Variants in SLC28A3 observed in about 807,000 individuals in gnomAD.
SLC28A3 encodes concentrative Na(+)-nucleoside cotransporter 3.
In SLC28A3, 68 loss-of-function variants were observed where a neutral mutation model predicts 84.2. The observed-to-expected ratio is 0.81, with a 90% CI of 0.66 to 0.99. The LOEUF is 0.99. Ranked by LOEUF, SLC28A3 falls within the 50% of genes least tolerant of loss-of-function variation. SLC28A3 has a pLI of 0.00. For missense variants in SLC28A3, 712 were observed against 841.5 expected (o/e 0.85, Z 1.90); for synonymous variants, 267 against 303.6 (o/e 0.88, Z 1.25).
intron 3 of SLC28A3, among the ~76,000 whole-genome samples, chr9:84,308,320 C>T (rs568111921): frequency 6.6e-6 from 1 of 152,112 alleles, no homozygotes; most frequent in African/African-American, 2.4e-5. Flanking sequence ...CTGAGGCAAG[C>T]AGACCACCTG....
At chr9:84,363,849 C>T in the SLC28A3 span, among the ~76,000 whole-genome samples, 2 of 152,076 alleles carry the variant, frequency 1.3e-5, no homozygotes, top group Non-Finnish European at 2.9e-5. Context: ...TTTGGTTTCT[C>T]AAAGCGATGG....
chr9:84,288,272 G>T, intron 11 of SLC28A3, 94 bp from the exon 12 acceptor site: 2 of 1,537,134 alleles, frequency 1.3e-6, no homozygotes, highest in Non-Finnish European at 1.8e-6. Context: ...AAGAAACAGG[G>T]CAGGGGTTGT....
chr9:84,301,112 G>A (rs1036773532), intron 5 of SLC28A3, among the ~76,000 whole-genome samples: 3 of 151,986 alleles, frequency 2.0e-5, no homozygotes, highest in Admixed American at 2.0e-4. Flanking sequence ...CACTTTGGGA[G>A]GCTGAGGCAG....
At chr9:84,350,311 G>A in the SLC28A3 span, among the ~76,000 whole-genome samples, 4 of 151,962 alleles carry the variant, frequency 2.6e-5, no homozygotes, top group African/African-American at 9.7e-5. Flanking sequence ...GTGTGGTGGT[G>A]CATGCCTGTA....
chr9:84,358,259 C>A, the SLC28A3 span, among the ~76,000 whole-genome samples: 1 of 152,146 alleles, frequency 6.6e-6, no homozygotes, highest in South Asian at 2.1e-4. Context: ...TGGCCGTGGG[C>A]TGCACAGCCT....
chr9:84,291,332 G>A (rs889236326), intron 10 of SLC28A3, among the ~76,000 whole-genome samples: 1 of 151,504 alleles, frequency 6.6e-6, no homozygotes, highest in Non-Finnish European at 1.5e-5. Context: ...AGGCTAGTAA[G>A]CATAGGTTTT....
rs1310836698 is a variant in SLC28A3, at chr9:84,276,054, T to C, written c.*2164A>G. ...ATATGGTAGCCACTAATACCTGAAATATGGAGTAACCAAGTAACAAATTTT... is the reference window on the plus strand; with the variant it reads ...ATATGGTAGCCACTAATACCTGAAACATGGAGTAACCAAGTAACAAATTTT... On this transcript the variant is annotated 3_prime_UTR_variant, in exon 18 of 18. Transcript: ENST00000376238. 6.6e-6 allele frequency: 1 copy of C among 152,116 alleles called. No individual in the cohort carries two copies. Among genetic ancestry groups the C allele is most frequent in the Non-Finnish European group, 1.5e-5 (1 of 68,020 alleles). The allele number at this position is 152,116 out of a possible 1,614,324, so 9.4% of individuals were successfully genotyped here. A position where few individuals can be genotyped will look rare whatever the true frequency, so the allele number is the denominator to read the frequency against.
rs1825443471 is a variant in SLC28A3, at chr9:84,297,139, C to G, written c.861+82G>C. On this transcript the variant is annotated intron_variant, in intron 8 of 17. Coordinates refer to ENST00000376238, the MANE Select transcript of SLC28A3 (RefSeq NM_001199633.2). ...AGTAGGTATATACCTGGTTTTTGGT[C>G]AGTTAAGTTCTATCTGAACATCTAC... 5.8e-6 allele frequency: 7 copies of G among 1,212,184 alleles called. No homozygotes were observed. The South Asian group carries it at 9.6e-5, about 17-fold the overall frequency. 75.1% of individuals were successfully genotyped at this position (1,212,184 alleles called of 1,614,324 possible).
At chr9:84,314,883 C>G (rs574625666) in intron 1 of SLC28A3, among the ~76,000 whole-genome samples, 9 of 152,254 alleles carry the variant, frequency 5.9e-5, no homozygotes, top group African/African-American at 2.2e-4. Context: ...TTGAGACCAT[C>G]CTGGCTAACA....
intron 3 of SLC28A3, among the ~76,000 whole-genome samples, chr9:84,306,676 G>A (rs1266097746): frequency 6.6e-6 from 1 of 151,968 alleles, no homozygotes; most frequent in African/African-American, 2.4e-5. Context: ...AGAGACCCTG[G>A]AGAACAGATG....
Position 84,285,478 on chromosome 9 carries a change from A to C in SLC28A3, c.1514T>G (p.Phe505Cys). Residue 505 changes from phenylalanine (F) to cysteine (C), a missense_variant, in exon 14 of 18, where the codon TTT becomes TGT. Transcript: ENST00000376238. ...ATAACCTATGAGTCTGGCAACCATA[A>C]AGCTGTCCTGCCATTCCACTCCCAT... ...FMMGVEWQDS[F>C]MVARLIGYKT... 6.2e-7 allele frequency: 1 copy of C among 1,614,190 alleles called. No individual in the cohort carries two copies. The highest frequency in any genetic ancestry group is 1.1e-5 in the South Asian group (1 of 91,084).
intron 13 of SLC28A3, 121 bp from the exon 14 acceptor site, chr9:84,285,663 CT>C: frequency 9.2e-7 from 1 of 1,091,456 alleles, no homozygotes; most frequent in Non-Finnish European, 1.3e-6. Context: ...TCCTTCTTCC[CT>C]TGCCCATCTT....
At chr9:84,301,342 T>C in intron 5 of SLC28A3, among the ~76,000 whole-genome samples, 1 of 86,010 alleles carries the variant, frequency 1.2e-5, no homozygotes, top group Non-Finnish European at 2.2e-5. Context: ...AGAGCAAGAC[T>C]CTGTCTCAAA....
chr9:84,290,982 A>G (rs1019046134), intron 10 of SLC28A3, among the ~76,000 whole-genome samples: 7 of 152,208 alleles, frequency 4.6e-5, no homozygotes, highest in Admixed American at 4.6e-4. Flanking sequence ...CTTGAATCCC[A>G]TTAAGGAGGA....
At chr9:84,301,369 A>AAAAAAAAAAAAG (rs753889714) in intron 5 of SLC28A3, among the ~76,000 whole-genome samples, 62 of 132,404 alleles carry the variant, frequency 4.7e-4, no homozygotes, top group East Asian at 1.4e-3. Context: ...AAAAAAAAAA[A>AAAAAAAAAAAAG]AAAAAGAAAA....
At chr9:84,282,615 T>G (rs1217244448) in intron 14 of SLC28A3, among the ~76,000 whole-genome samples, 1 of 152,182 alleles carries the variant, frequency 6.6e-6, no homozygotes, top group African/African-American at 2.4e-5. Flanking sequence ...GGCGTGGCCC[T>G]GTGACTCAAG....
the SLC28A3 span, among the ~76,000 whole-genome samples, chr9:84,354,570 G>A: frequency 6.6e-6 from 1 of 152,248 alleles, no homozygotes; most frequent in Non-Finnish European, 1.5e-5. Context: ...ACTCTAGGCC[G>A]GGCACAGTGG....
intron 1 of SLC28A3, among the ~76,000 whole-genome samples, chr9:84,335,020 C>T (rs888361704): frequency 2.0e-5 from 3 of 152,094 alleles, no homozygotes; most frequent in African/African-American, 7.2e-5. Flanking sequence ...TCCTTAAGCG[C>T]TACTGTTTCC....
At position 84,294,249 on chromosome 9, in the gene SLC28A3, G is replaced by A; in HGVS notation, c.888C>T (p.Ser296=). 6.2e-7 allele frequency: 1 copy of A among 1,614,146 alleles called. No homozygotes were observed. The highest frequency in any genetic ancestry group is 1.1e-5 in the South Asian group (1 of 91,082). Reference sequence around the variant, plus strand: ...GGTAGTACAGCATGGACATCACAGTGCTGAAGAAAACCACGATCGGCAGGA... The same window carrying A: ...GGTAGTACAGCATGGACATCACAGTACTGAAGAAAACCACGATCGGCAGGA... The part of the protein sequence containing the change: ...FKVLPIVVFF[S]TVMSMLYYLG... The change falls in exon 9 of 18, where the codon AGC becomes AGT. Residue 296 remains serine, a synonymous_variant. Coordinates refer to ENST00000376238, the MANE Select transcript of SLC28A3 (RefSeq NM_001199633.2).
Sources: gnomAD v4.1 joint callset for allele counts (sites outside exome capture counted in the v4.1 genomes callset) on GRCh38, gnomAD v4.1.1 for gene constraint, MANE v1.5 for transcripts, NCBI Gene and HGNC (gene_info 2026-07-23, HGNC 2026-07-21) for gene names.